The following OPCML variants were observed in gnomAD, a reference collection of about 807,000 sequenced individuals.
OPCML encodes the protein opioid-binding protein/cell adhesion molecule.
A neutral mutation model predicts 37.8 loss-of-function variants in OPCML; 13 were observed. The ratio of observed to expected loss-of-function variants is 0.34; its 90% CI spans 0.22 to 0.55. The LOEUF (loss-of-function observed/expected upper bound fraction) is 0.55, where lower values mean the gene tolerates loss of function less well. Ranked by LOEUF, OPCML falls within the 20% of genes least tolerant of loss-of-function variation. OPCML has a pLI of 0.91. For synonymous variants in OPCML, 176 were observed against 168.8 expected, an observed-to-expected ratio of 1.04 and a Z score of -0.33; for missense variants, 341 against 435.6, an observed-to-expected ratio of 0.78 and a Z score of 1.93.
At chr11:133,283,246 ATTTC>A (rs1942207846) in intron 1 of OPCML, among the ~76,000 whole-genome samples, 1 of 152,068 alleles carries the variant, frequency 6.6e-6, no homozygotes, top group Non-Finnish European at 1.5e-5. Flanking sequence ...GGTGGGATGC[ATTTC>A]AGTCACGGGG....
chr11:132,828,610 C>A (rs1940504873), intron 2 of OPCML, among the ~76,000 whole-genome samples: 1 of 150,768 alleles, frequency 6.6e-6, no homozygotes, highest in South Asian at 2.1e-4. Context: ...CAAAATTATC[C>A]TATTGTTCAC....
Position 132,529,251 on chromosome 11 carries a change from G to A in OPCML, c.380-65C>T, listed in dbSNP as rs1227180178. On this transcript the variant is annotated intron_variant, in intron 3 of 7. Transcript: ENST00000524381. ...TCTTTGCACTTAAAAGGAGGTGTTAGCCTACAAATTTTTGTATAGCATGTT... is the reference window on the plus strand; with the variant it reads ...TCTTTGCACTTAAAAGGAGGTGTTAACCTACAAATTTTTGTATAGCATGTT... 29 of 1,518,598 alleles carry A rather than the reference G, an allele frequency of 1.9e-5. No homozygotes were observed. In the South Asian group the frequency reaches 3.4e-4, roughly 18 times the overall value. The allele number at this position is 1,518,598 out of a possible 1,614,324, so 94.1% of individuals were successfully genotyped here.
intron 1 of OPCML, among the ~76,000 whole-genome samples, chr11:133,128,759 G>A (rs1006572954): frequency 1.4e-4 from 22 of 152,098 alleles, no homozygotes; most frequent in African/African-American, 5.1e-4. Flanking sequence ...TCTTTACAAC[G>A]AGCTTTTCAT....
At chr11:133,282,918 C>T (rs1191641654) in intron 1 of OPCML, among the ~76,000 whole-genome samples, 1 of 152,220 alleles carries the variant, frequency 6.6e-6, no homozygotes, top group Admixed American at 6.5e-5. Flanking sequence ...TCCTGTTGGA[C>T]AATTTCTCCA....
rs974057177 is a variant in OPCML, at chr11:132,889,225, G to A, written c.146+53701C>T. 4.6e-5 allele frequency among the ~76,000 whole-genome samples: 7 copies of A among 152,312 alleles called. No individual in the cohort carries two copies. In the East Asian group the frequency reaches 5.8e-4, roughly 13 times the overall value. ...CTCTAGTTAATTCTGGGCAAGGGAG[G>A]AAGTCGGAATAATGGTGGCTCCTTC... On this transcript the variant is annotated intron_variant, in intron 2 of 7. Coordinates refer to ENST00000524381, the MANE Select transcript of OPCML (RefSeq NM_001012393.5).
chr11:133,328,021 T>G (rs928265102), intron 1 of OPCML, among the ~76,000 whole-genome samples: 1 of 152,204 alleles, frequency 6.6e-6, no homozygotes, highest in Admixed American at 6.5e-5. Flanking sequence ...TTAACTCCTA[T>G]GCTTACTAAA....
chr11:133,485,169 T>A (rs2120383621), intron 1 of OPCML, among the ~76,000 whole-genome samples: 1 of 150,192 alleles, frequency 6.7e-6, no homozygotes, highest in Middle Eastern at 3.5e-3. Context: ...AAATGAAAAC[T>A]TGCTAAGGAT....
intron 2 of OPCML, among the ~76,000 whole-genome samples, chr11:132,907,548 T>C (rs1224085112): frequency 6.6e-6 from 1 of 151,838 alleles, no homozygotes; most frequent in African/African-American, 2.4e-5. Flanking sequence ...GGAGAATCGC[T>C]TGAACCTGAG....
intron 2 of OPCML, among the ~76,000 whole-genome samples, chr11:132,730,669 C>T (rs909691146): frequency 2.0e-5 from 3 of 151,998 alleles, no homozygotes. Flanking sequence ...CAAAAGAAGA[C>T]GTAATCTCTG....
intron 1 of OPCML, among the ~76,000 whole-genome samples, chr11:133,084,692 G>A (rs780050348): frequency 5.3e-5 from 8 of 152,168 alleles, no homozygotes; most frequent in Non-Finnish European, 1.0e-4. Flanking sequence ...CAGCTCTCTT[G>A]CTCAGCCTCA....
chr11:132,960,222 A>G (rs1946062793), intron 1 of OPCML, among the ~76,000 whole-genome samples: 1 of 152,202 alleles, frequency 6.6e-6, no homozygotes, highest in African/African-American at 2.4e-5. Flanking sequence ...AATAACCGTA[A>G]CTTTACGTGT....
At chr11:133,005,438 C>T (rs1448155085) in intron 1 of OPCML, 22 of 985,248 alleles carry the variant, frequency 2.2e-5, no homozygotes, top group Non-Finnish European at 2.7e-5. Context: ...CTTTTCTACC[C>T]CTGCTACTCC....
chr11:133,343,417 C>A (rs1334149160), intron 1 of OPCML, among the ~76,000 whole-genome samples: 1 of 152,166 alleles, frequency 6.6e-6, no homozygotes, highest in Non-Finnish European at 1.5e-5. Flanking sequence ...CAATGGAAAT[C>A]AATTAACCTT....
chr11:132,465,255 C>T (rs1366910033), intron 4 of OPCML, among the ~76,000 whole-genome samples: 1 of 152,112 alleles, frequency 6.6e-6, no homozygotes, highest in African/African-American at 2.4e-5. Context: ...TAGAAATACT[C>T]ATTAAAATGT....
At chr11:132,854,275 T>C (rs766578136) in intron 2 of OPCML, among the ~76,000 whole-genome samples, 5 of 151,956 alleles carry the variant, frequency 3.3e-5, no homozygotes, top group Non-Finnish European at 7.4e-5. Context: ...CCCCATGGAG[T>C]TGGGGTGCAC....
At chr11:132,631,434 A>G (rs1940112855) in intron 3 of OPCML, among the ~76,000 whole-genome samples, 1 of 148,938 alleles carries the variant, frequency 6.7e-6, no homozygotes, top group African/African-American at 2.5e-5. Context: ...TTTAGGAAAT[A>G]TATATATACA....
chr11:133,056,591 C>A (rs766781802), intron 1 of OPCML, among the ~76,000 whole-genome samples: 1 of 152,178 alleles, frequency 6.6e-6, no homozygotes, highest in East Asian at 1.9e-4. Context: ...AAGCAACATT[C>A]CTCCAAACTC....
chr11:133,244,258 C>T (rs755666608), intron 1 of OPCML, among the ~76,000 whole-genome samples: 26 of 152,096 alleles, frequency 1.7e-4, no homozygotes, highest in Non-Finnish European at 2.4e-4. Context: ...TCAATGTCTT[C>T]ATCTGTGAAT....
intron 1 of OPCML, among the ~76,000 whole-genome samples, chr11:133,045,815 G>T (rs929219209): frequency 1.3e-5 from 2 of 152,212 alleles, no homozygotes; most frequent in African/African-American, 4.8e-5. Context: ...GCTTCATAAT[G>T]GTTAGACAGC....
Sources: gnomAD v4.1 joint callset for allele counts (sites outside exome capture counted in the v4.1 genomes callset) on GRCh38, gnomAD v4.1.1 for gene constraint, MANE v1.5 for transcripts, NCBI Gene and HGNC (gene_info 2026-07-23, HGNC 2026-07-21) for gene names.